Variants in MGAT5 observed in about 807,000 individuals in gnomAD.
MGAT5 encodes the protein alpha-1,6-mannosylglycoprotein 6-beta-N-acetylglucosaminyltransferase, also known as alpha-1,6-mannosylglycoprotein 6-beta-N-acetylglucosaminyltransferase A.
A neutral mutation model predicts 94.3 loss-of-function variants in MGAT5; 30 were observed. The observed-to-expected ratio is 0.32, with a 90% CI of 0.24 to 0.43. The LOEUF is 0.43. Ranked by LOEUF, MGAT5 falls within the 20% of genes least tolerant of loss-of-function variation. MGAT5 has a pLI of 1.00. For missense variants in MGAT5, 691 were observed against 905.5 expected, an observed-to-expected ratio of 0.76 and a Z score of 3.04; for synonymous variants, 310 against 322.9, an observed-to-expected ratio of 0.96 and a Z score of 0.43.
At chr2:134,259,840 T>C (rs1373875560) in intron 1 of MGAT5, among the ~76,000 whole-genome samples, 1 of 152,200 alleles carries the variant, frequency 6.6e-6, no homozygotes, top group African/African-American at 2.4e-5. Flanking sequence ...TCATAGATGC[T>C]TTGTTATCTT....
intron 10 of MGAT5, among the ~76,000 whole-genome samples, chr2:134,387,332 A>ATATATATATATATATATATATTTTT: frequency 4.1e-5 from 1 of 24,264 alleles, no homozygotes; most frequent in Non-Finnish European, 6.4e-5. Context: ...ATATATATAT[A>ATATATATATATATATATATATTTTT]TTTTTTTTTT....
At chr2:134,281,661 G>A (rs16830321) in intron 2 of MGAT5, among the ~76,000 whole-genome samples, 20,577 of 152,114 alleles carry the variant, frequency 0.14, 3,146 homozygotes, top group African/African-American at 0.35. Flanking sequence ...ACTTGTCACA[G>A]CAAACTTAAG....
rs1686651917 is a variant in MGAT5 at position 134,141,447 on chromosome 2, GA to G, written c.-143+21157del. Reference sequence around the variant, plus strand: ...GCTCTTGGGACATTTTTGTTGAATAGATAGATGGATAGTTGGATGGGTAAGT... The same window carrying G: ...GCTCTTGGGACATTTTTGTTGAATAGTAGATGGATAGTTGGATGGGTAAGT... On this transcript the variant is annotated intron_variant, in intron 1 of 16. Coordinates refer to the MGAT5 transcript ENST00000409645. Among the ~76,000 whole-genome samples the G allele has an allele frequency of 2.2e-5, 3 of 136,324 alleles. No individual in the cohort carries two copies. In the Admixed American group the frequency reaches 2.5e-4, roughly 11 times the overall value. The allele number at this position is 136,324 out of a possible 152,430, so 89.4% of individuals were successfully genotyped here.
rs370633240 is a variant in MGAT5 at position 134,325,460 on chromosome 2, T to C, written c.573+6721T>C. ...TGTGCCCGTGATCCATATTCAACAA[T>C]TGTCAATCCATAGCCGGTCTCATTT... On this transcript the variant is annotated intron_variant, in intron 4 of 15. Coordinates refer to ENST00000281923, the MANE Select transcript of MGAT5 (RefSeq NM_002410.5). Among the ~76,000 whole-genome samples the C allele has an allele frequency of 2.0e-5, 3 of 152,112 alleles. No individual in the cohort carries two copies. In the East Asian group the frequency reaches 5.8e-4, roughly 29 times the overall value.
chr2:134,345,764 A>G (rs976308098), intron 8 of MGAT5, among the ~76,000 whole-genome samples: 1 of 152,202 alleles, frequency 6.6e-6, no homozygotes, highest in African/African-American at 2.4e-5. Flanking sequence ...TGTGTCCGAC[A>G]CTACTTTTAA....
chr2:134,268,431 A>G lies in MGAT5; in HGVS notation c.242-1955A>G, dbSNP rs1034538912. On this transcript the variant is annotated intron_variant, in intron 1 of 15. Coordinates refer to ENST00000281923, the MANE Select transcript of MGAT5 (RefSeq NM_002410.5). This position sits in a 1 kb window ranked among gnomAD's most constrained non-coding sequence, Gnocchi z 4.1. Reference sequence around the variant, plus strand: ...TGACTGGCCTCTGGCACTCTTCAGAACTCTGGAGAGCCAGTTGATGCATTA... The same window carrying G: ...TGACTGGCCTCTGGCACTCTTCAGAGCTCTGGAGAGCCAGTTGATGCATTA... 6.6e-6 allele frequency among the ~76,000 whole-genome samples: 1 copy of G among 152,108 alleles called. No homozygotes were observed. Among genetic ancestry groups the G allele is most frequent in the Non-Finnish European group, 1.5e-5 (1 of 68,014 alleles).
intron 1 of MGAT5, among the ~76,000 whole-genome samples, chr2:134,232,821 T>A (rs1054764948): frequency 6.6e-6 from 1 of 152,150 alleles, no homozygotes; most frequent in South Asian, 2.1e-4. Context: ...TGGGTGGTGG[T>A]TGTTATGGTG....
intron 1 of MGAT5, among the ~76,000 whole-genome samples, chr2:134,172,317 A>G (rs1234413037): frequency 6.6e-6 from 1 of 151,556 alleles, no homozygotes; most frequent in Non-Finnish European, 1.5e-5. Flanking sequence ...CAAGATGTGT[A>G]TTTTCTTAAG....
chr2:134,437,764 C>A (rs549532022), intron 14 of MGAT5, among the ~76,000 whole-genome samples: 1 of 152,198 alleles, frequency 6.6e-6, no homozygotes, highest in South Asian at 2.1e-4. Context: ...ACCTGTAATC[C>A]CACACTTTGG....
At chr2:134,277,844 G>A (rs6722160) in intron 2 of MGAT5, among the ~76,000 whole-genome samples, 60,498 of 152,046 alleles carry the variant, frequency 0.4, 13,756 homozygotes, top group African/African-American at 0.62. Context: ...TGTATATAGT[G>A]TTTCACTGGA....
intron 12 of MGAT5, among the ~76,000 whole-genome samples, chr2:134,417,627 T>A (rs986539880): frequency 9.2e-5 from 14 of 152,172 alleles, no homozygotes; most frequent in African/African-American, 3.4e-4. Context: ...TCTCAGCACA[T>A]CACATTAGGG....
intron 1 of MGAT5, among the ~76,000 whole-genome samples, chr2:134,136,979 A>C (rs1048084374): frequency 1.2e-4 from 18 of 152,326 alleles, no homozygotes; most frequent in African/African-American, 4.1e-4. Flanking sequence ...TAGCAAGGCC[A>C]TATCTGTCAC....
At position 134,278,345 on chromosome 2, in the gene MGAT5, A is replaced by C. The variant is rs181159400; in HGVS notation, c.406+7795A>C. The stretch of plus-strand genomic sequence containing the variant: ...TGGTCCCAAGGAGGCTCTAGGTTTT[A>C]GTTTTCAGTCCCAGACGGCTGTGCT... On this transcript the variant is annotated intron_variant, in intron 2 of 15. Transcript: ENST00000281923. Among the ~76,000 whole-genome samples the C allele has an allele frequency of 6.5e-3, 993 of 152,204 alleles. 9 individuals carry two copies. Among genetic ancestry groups the C allele is most frequent in the Non-Finnish European group, 9.7e-3 (662 of 68,004 alleles).
chr2:134,182,120 A>G (rs1688761325), intron 1 of MGAT5, among the ~76,000 whole-genome samples: 1 of 152,194 alleles, frequency 6.6e-6, no homozygotes, highest in Non-Finnish European at 1.5e-5. Flanking sequence ...ATTGAGGCTC[A>G]GAAATAACTT....
intron 1 of MGAT5, among the ~76,000 whole-genome samples, chr2:134,189,602 G>GTTTGTTTTTT (rs1689234800): frequency 1.2e-5 from 1 of 84,672 alleles, no homozygotes; most frequent in African/African-American, 4.8e-5. Flanking sequence ...GTTTTTTTTT[G>GTTTGTTTTTT]TTTTTTTTTT....
chr2:134,173,430 G>A (rs1470659903), intron 1 of MGAT5, among the ~76,000 whole-genome samples: 1 of 152,178 alleles, frequency 6.6e-6, no homozygotes, highest in Non-Finnish European at 1.5e-5. Flanking sequence ...TGTGGTTTAT[G>A]CTCTGGGAAA....
Position 134,345,039 on chromosome 2 carries a change from C to T in MGAT5, c.1087C>T (p.Leu363Phe). 6.2e-7 allele frequency: 1 copy of T among 1,613,490 alleles called. No individual in the cohort carries two copies. Among genetic ancestry groups the T allele is most frequent in the African/African-American group, 1.3e-5 (1 of 74,996 alleles). Residue 363 changes from leucine (L) to phenylalanine (F), a missense_variant, in exon 8 of 16, where the codon CTT (leucine) becomes TTT (phenylalanine). By Grantham distance (22) the Leu-to-Phe change is conservative. Transcript: ENST00000281923. ...IVGLAQFKKT[L>F]GPSWVHYQCM... ...AGGACTTGCTCAATTCAAGAAAACT[C>T]TTGGACCATCCTGGGTTCATTACCA...
chr2:134,284,785 C>T (rs1684905991), intron 2 of MGAT5, among the ~76,000 whole-genome samples: 1 of 152,166 alleles, frequency 6.6e-6, no homozygotes, highest in Admixed American at 6.5e-5. Flanking sequence ...CTGGCTGGTG[C>T]ATCTCTAATG....
chr2:134,201,182 G>A (rs1679768283), intron 1 of MGAT5, among the ~76,000 whole-genome samples: 1 of 152,030 alleles, frequency 6.6e-6, no homozygotes, highest in South Asian at 2.1e-4. Flanking sequence ...AGAGGCTGTG[G>A]TCTTTGCCCT....
Sources: gnomAD v4.1 joint callset for allele counts (sites outside exome capture counted in the v4.1 genomes callset) on GRCh38, gnomAD v4.1.1 for gene constraint, Gnocchi (gnomAD v3.1) non-coding constraint, MANE v1.5 for transcripts, NCBI Gene and HGNC (gene_info 2026-07-23, HGNC 2026-07-21) for gene names.